RSRC1: variants seen among roughly 807,000 people sequenced by gnomAD.
RSRC1 encodes arginine and serine rich coiled-coil 1.
Under a neutral mutation model 49.1 loss-of-function variants are expected in RSRC1, and 39 were observed. That is an observed-to-expected ratio of 0.79 (90% CI 0.61 to 1.04). The LOEUF is 1.04. Among genes scored for constraint, RSRC1 ranks in the 50% least tolerant of loss-of-function variants. The probability of loss-of-function intolerance (pLI) is 0.00; values close to 1 mark genes in which losing one functional copy is unlikely to be tolerated. For missense variants in RSRC1, 388 were observed against 402.4 expected, an observed-to-expected ratio of 0.96 and a Z score of 0.31; for synonymous variants, 143 against 130.8, an observed-to-expected ratio of 1.09 and a Z score of -0.63.
intron 6 of RSRC1, among the ~76,000 whole-genome samples, chr3:158,412,840 T>C (rs1021906719): frequency 3.9e-5 from 6 of 151,926 alleles, no homozygotes; most frequent in African/African-American, 9.7e-5. Flanking sequence ...TGTCTTCTGC[T>C]AGCTTTGGGG....
chr3:158,250,314 C>A (rs1379896673), intron 4 of RSRC1, among the ~76,000 whole-genome samples: 2 of 152,130 alleles, frequency 1.3e-5, no homozygotes, highest in African/African-American at 4.8e-5. Context: ...AATTTCCTTT[C>A]TTTTGGTTAT....
At chr3:158,192,215 A>T (rs1323834921) in intron 3 of RSRC1, among the ~76,000 whole-genome samples, 2 of 152,078 alleles carry the variant, frequency 1.3e-5, no homozygotes, top group Non-Finnish European at 1.5e-5. Flanking sequence ...TACTGTGCAT[A>T]CTGTGATGTT....
chr3:158,325,004 G>A (rs1387593424), intron 5 of RSRC1, among the ~76,000 whole-genome samples: 1 of 152,210 alleles, frequency 6.6e-6, no homozygotes, highest in African/African-American at 2.4e-5. Flanking sequence ...ATTGTTTCAT[G>A]TGTCTGTTGG....
At chr3:158,130,519 A>G (rs1368305188) in intron 3 of RSRC1, among the ~76,000 whole-genome samples, 1 of 152,242 alleles carries the variant, frequency 6.6e-6, no homozygotes, top group African/African-American at 2.4e-5. Context: ...ATATTTACAT[A>G]TACATAATGA....
intron 3 of RSRC1, among the ~76,000 whole-genome samples, chr3:158,139,360 C>T (rs985329278): frequency 2.0e-5 from 3 of 151,830 alleles, no homozygotes; most frequent in African/African-American, 4.8e-5. Context: ...GAGCTGAGAT[C>T]GCGCCACTGC....
chr3:158,131,929 CA>C (rs2108180871), intron 3 of RSRC1, among the ~76,000 whole-genome samples: 1 of 152,134 alleles, frequency 6.6e-6, no homozygotes, highest in African/African-American at 2.4e-5. Flanking sequence ...ACGTACGTTG[CA>C]CACTGTAAAG....
At chr3:158,120,372 C>T (rs1030192683) in intron 1 of RSRC1, among the ~76,000 whole-genome samples, 6 of 151,710 alleles carry the variant, frequency 4.0e-5, no homozygotes, top group Non-Finnish European at 7.4e-5. Flanking sequence ...TGATTTGAGT[C>T]CTAAGAGATT....
chr3:158,484,416 C>T lies in RSRC1; in HGVS notation c.652+23413C>T, dbSNP rs921017506. ...GTTATGGGTTATTAAGGGAATTTCA[C>T]TATCATTTTTAAATGAAAATAAGTA... On this transcript the variant is annotated intron_variant, in intron 7 of 9. Coordinates refer to ENST00000611884, the MANE Select transcript of RSRC1 (RefSeq NM_001271838.2). Among the ~76,000 whole-genome samples the T allele has an allele frequency of 2.6e-5, 4 of 152,198 alleles. No individual in the cohort carries two copies. The East Asian group carries it at 5.8e-4, about 22-fold the overall frequency.
intron 3 of RSRC1, among the ~76,000 whole-genome samples, chr3:158,141,824 G>A (rs1028280195): frequency 6.6e-6 from 1 of 152,144 alleles, no homozygotes; most frequent in Admixed American, 6.6e-5. Flanking sequence ...TCGGCCAGGC[G>A]TGGTGGCTCA....
At chr3:158,158,524 A>T (rs1314920400) in intron 3 of RSRC1, among the ~76,000 whole-genome samples, 4 of 152,188 alleles carry the variant, frequency 2.6e-5, no homozygotes, top group African/African-American at 9.6e-5. Flanking sequence ...TCTCTCTTGG[A>T]GTAGTCCACA....
intron 3 of RSRC1, among the ~76,000 whole-genome samples, chr3:158,154,972 A>G (rs1035650847): frequency 6.6e-6 from 1 of 152,186 alleles, no homozygotes; most frequent in African/African-American, 2.4e-5. Context: ...AATTGAATCC[A>G]TTCAGTCACA....
intron 7 of RSRC1, among the ~76,000 whole-genome samples, chr3:158,531,805 T>C (rs576096951): frequency 3.7e-4 from 56 of 152,050 alleles, no homozygotes; most frequent in African/African-American, 1.3e-3. Context: ...GGGAAAACAA[T>C]TGGATGTGCT....
intron 5 of RSRC1, among the ~76,000 whole-genome samples, chr3:158,320,810 A>G (rs1728714444): frequency 6.6e-6 from 1 of 152,168 alleles, no homozygotes. Flanking sequence ...ACCCAGATCT[A>G]TCCCTCTGAA....
At chr3:158,433,846 A>C (rs892068011) in intron 6 of RSRC1, among the ~76,000 whole-genome samples, 11 of 151,998 alleles carry the variant, frequency 7.2e-5, no homozygotes, top group Non-Finnish European at 1.6e-4. Context: ...TGTTGGTTGT[A>C]ATATCTGCTA....
At chr3:158,518,096 G>A (rs11710751) in intron 7 of RSRC1, among the ~76,000 whole-genome samples, 4,530 of 27,790 alleles carry the variant, frequency 0.16, 152 homozygotes, top group Non-Finnish European at 0.2. Flanking sequence ...AAGTGCGTGC[G>A]TGTGTGTGTG....
chr3:158,470,361 C>CACACACATAT (rs756776025), intron 7 of RSRC1, among the ~76,000 whole-genome samples: 34 of 100,342 alleles, frequency 3.4e-4, no homozygotes, highest in South Asian at 2.4e-3. Flanking sequence ...CACACACACA[C>CACACACATAT]ATATATATAT....
At chr3:158,413,831 A>G (rs1734599403) in intron 6 of RSRC1, among the ~76,000 whole-genome samples, 1 of 152,200 alleles carries the variant, frequency 6.6e-6, no homozygotes, top group Non-Finnish European at 1.5e-5. Context: ...AATGTCAAGA[A>G]ACAACAGGTG....
chr3:158,256,123 C>T (rs899457753), intron 4 of RSRC1, among the ~76,000 whole-genome samples: 1 of 152,168 alleles, frequency 6.6e-6, no homozygotes, highest in Non-Finnish European at 1.5e-5. Context: ...TGAGAGAGGG[C>T]ATCCTTGTCT....
chr3:158,111,955 G>A (rs952360989), intron 1 of RSRC1, among the ~76,000 whole-genome samples: 2 of 152,152 alleles, frequency 1.3e-5, no homozygotes, highest in African/African-American at 4.8e-5. Flanking sequence ...AATCAGGCAC[G>A]TGAACTTTAC....
Sources: gnomAD v4.1 joint callset for allele counts (sites outside exome capture counted in the v4.1 genomes callset) on GRCh38, gnomAD v4.1.1 for gene constraint, MANE v1.5 for transcripts, NCBI Gene and HGNC (gene_info 2026-07-23, HGNC 2026-07-21) for gene names.